The following IGSF21 variants were observed in gnomAD, a reference collection of about 807,000 sequenced individuals.
The protein encoded by IGSF21 is immunoglobin superfamily member 21, also known as immunoglobulin superfamily member 21.
In IGSF21, 28 loss-of-function variants were observed where a neutral mutation model predicts 46.8. The ratio of observed to expected loss-of-function variants is 0.60; its 90% CI spans 0.44 to 0.82. IGSF21 has a LOEUF of 0.82. IGSF21 is among the 40% of genes least tolerant of loss of function. IGSF21 has a pLI of 0.00. For missense variants in IGSF21, 624 were observed against 665.5 expected (o/e 0.94, Z 0.69); for synonymous variants, 284 against 273.6 (o/e 1.04, Z -0.38).
chr1:18,293,722 A>C (rs1234366461), intron 3 of IGSF21, among the ~76,000 whole-genome samples: 2 of 152,208 alleles, frequency 1.3e-5, no homozygotes, highest in Non-Finnish European at 2.9e-5. Flanking sequence ...TGAACTCCCA[A>C]ATAATCTCCA....
intron 3 of IGSF21, among the ~76,000 whole-genome samples, chr1:18,323,199 C>T (rs1450999203): frequency 6.6e-6 from 1 of 152,138 alleles, no homozygotes; most frequent in Admixed American, 6.5e-5. Context: ...TACCAGTTTG[C>T]CCACTGGTAA....
chr1:18,347,193 C>T (rs1557654376), intron 4 of IGSF21, among the ~76,000 whole-genome samples: 1 of 151,864 alleles, frequency 6.6e-6, no homozygotes, highest in Non-Finnish European at 1.5e-5. Flanking sequence ...CACAGTTCTG[C>T]AAAGAAGTGC....
chr1:18,378,469 G>A lies in IGSF21; in HGVS notation c.*143G>A, dbSNP rs1205714264. 1 of 709,526 alleles carries A rather than the reference G, an allele frequency of 1.4e-6. No homozygotes were observed. Among genetic ancestry groups the A allele is most frequent in the Non-Finnish European group, 2.3e-6 (1 of 430,412 alleles). The allele number at this position is 709,526 out of a possible 1,614,324, so 44.0% of individuals were successfully genotyped here. ...TCAGTCGGTTTAATTAAAACAAACAGAACAATTTTCCCCACCTCGGTTTGT... is the reference window on the plus strand; with the variant it reads ...TCAGTCGGTTTAATTAAAACAAACAAAACAATTTTCCCCACCTCGGTTTGT... On this transcript the variant is annotated 3_prime_UTR_variant, in exon 10 of 10. Coordinates refer to ENST00000251296, the MANE Select transcript of IGSF21 (RefSeq NM_032880.5).
intron 2 of IGSF21, among the ~76,000 whole-genome samples, chr1:18,283,943 C>T (rs1253587976): frequency 1.3e-5 from 2 of 152,194 alleles, no homozygotes; most frequent in Admixed American, 6.5e-5. Flanking sequence ...GTACCAGACT[C>T]CGTTCTATAA....
chr1:18,158,497 C>T (rs1014002853), intron 1 of IGSF21, among the ~76,000 whole-genome samples: 2 of 152,132 alleles, frequency 1.3e-5, no homozygotes, highest in African/African-American at 4.8e-5. Flanking sequence ...CTTCTGCCCA[C>T]CCACCCAGGC....
chr1:18,368,802 C>A (rs1297409538), intron 6 of IGSF21, among the ~76,000 whole-genome samples: 3 of 152,184 alleles, frequency 2.0e-5, no homozygotes, highest in African/African-American at 4.8e-5. Context: ...CCTTGCCCCA[C>A]CCCACCAAGA....
chr1:18,360,454 T>G (rs12072241), intron 4 of IGSF21, among the ~76,000 whole-genome samples: 3,324 of 152,236 alleles, frequency 0.022, 113 homozygotes, highest in African/African-American at 0.074. Flanking sequence ...GACTGTGAAC[T>G]TTGCAATGCT....
At chr1:18,224,326 G>T (rs780724825) in intron 1 of IGSF21, among the ~76,000 whole-genome samples, 7 of 152,062 alleles carry the variant, frequency 4.6e-5, no homozygotes, top group Non-Finnish European at 1.0e-4. Flanking sequence ...GGGCCTTTGC[G>T]CTTGACATGT....
At position 18,343,277 on chromosome 1, in the gene IGSF21, CA is replaced by C. The variant is rs200992540; in HGVS notation, c.424+8268del. On this transcript the variant is annotated intron_variant, in intron 4 of 9. Coordinates refer to ENST00000251296, the MANE Select transcript of IGSF21 (RefSeq NM_032880.5). The stretch of plus-strand genomic sequence containing the variant: ...GAAACATCTACTCAGAGCCTTTGGT[CA>C]TTTTCAATGGCCTTATTTTTCTTTT... Among the ~76,000 whole-genome samples the C allele has an allele frequency of 6.6e-3, 1,008 of 152,318 alleles. 10 individuals are homozygous for C. Among genetic ancestry groups the C allele is most frequent in the African/African-American group, 0.023 (957 of 41,578 alleles).
At chr1:18,367,604 T>C (rs906511026) in intron 6 of IGSF21, among the ~76,000 whole-genome samples, 642 of 18,874 alleles carry the variant, frequency 0.034, 5 homozygotes, top group African/African-American at 0.13. Context: ...TCTCTCTCTC[T>C]TTTTTTTTTT....
At chr1:18,136,482 G>A (rs1010874603) in intron 1 of IGSF21, among the ~76,000 whole-genome samples, 2 of 152,340 alleles carry the variant, frequency 1.3e-5, no homozygotes, top group South Asian at 2.1e-4. Context: ...CATATGGCTA[G>A]CCAGTTTTCC....
At chr1:18,285,898 C>T (rs769356529) in intron 2 of IGSF21, among the ~76,000 whole-genome samples, 9 of 152,180 alleles carry the variant, frequency 5.9e-5, no homozygotes, top group East Asian at 1.9e-4. Context: ...TTGTTATTCC[C>T]GTCATGCTAT....
intron 2 of IGSF21, among the ~76,000 whole-genome samples, chr1:18,270,644 G>C (rs536694017): frequency 1.3e-5 from 2 of 152,310 alleles, no homozygotes; most frequent in South Asian, 4.1e-4. Flanking sequence ...TTCTGACCAA[G>C]GCCATGGAGG....
rs1342304730 is a variant in IGSF21 at position 18,185,731 on chromosome 1, G to A, written c.71-42167G>A. Among the ~76,000 whole-genome samples the A allele has an allele frequency of 2.0e-5, 3 of 152,296 alleles. No homozygotes were observed. The South Asian group carries it at 6.2e-4, about 32-fold the overall frequency. On this transcript the variant is annotated intron_variant, in intron 1 of 9. Transcript: ENST00000251296. ...TCAGTTTCCCCATCTTGGAAAAACA[G>A]GGATGATAATAATAGCACCTATGTC...
At chr1:18,221,997 C>A (rs527344313) in intron 1 of IGSF21, among the ~76,000 whole-genome samples, 1 of 152,162 alleles carries the variant, frequency 6.6e-6, no homozygotes, top group South Asian at 2.1e-4. Context: ...GAAACTGAGG[C>A]CCAGGAAGAG....
intron 2 of IGSF21, among the ~76,000 whole-genome samples, chr1:18,283,095 G>A (rs1020715609): frequency 2.0e-5 from 3 of 152,212 alleles, no homozygotes; most frequent in African/African-American, 7.2e-5. Flanking sequence ...CACATGTGGA[G>A]TGTGGGTCCT....
intron 2 of IGSF21, among the ~76,000 whole-genome samples, chr1:18,239,503 G>A (rs2084705079): frequency 6.6e-6 from 1 of 152,090 alleles, no homozygotes; most frequent in Non-Finnish European, 1.5e-5. Flanking sequence ...CAAGTTCAAG[G>A]TCATTGGCCC....
chr1:18,123,210 C>T (rs1005157604), intron 1 of IGSF21, among the ~76,000 whole-genome samples: 5 of 152,192 alleles, frequency 3.3e-5, no homozygotes. Context: ...AGAAGGAACA[C>T]CCCACCTATG....
chr1:18,110,424 C>G (rs570987631), intron 1 of IGSF21: 1 of 152,332 alleles, frequency 6.6e-6, no homozygotes, highest in Non-Finnish European at 1.5e-5. Flanking sequence ...TGGAGGTGGC[C>G]GAGAGAGGTG....
Sources: gnomAD v4.1 joint callset for allele counts (sites outside exome capture counted in the v4.1 genomes callset) on GRCh38, gnomAD v4.1.1 for gene constraint, MANE v1.5 for transcripts, NCBI Gene and HGNC (gene_info 2026-07-23, HGNC 2026-07-21) for gene names.